Variants in USP35 observed in about 807,000 individuals in gnomAD.
USP35 encodes ubiquitin carboxyl-terminal hydrolase 35.
In USP35, 69 loss-of-function variants were observed where a neutral mutation model predicts 83.8. That is an observed-to-expected ratio of 0.82 (90% CI 0.68 to 1.01). The LOEUF (loss-of-function observed/expected upper bound fraction) is 1.01, where lower values mean the gene tolerates loss of function less well. USP35 is among the 50% of genes least tolerant of loss of function. The pLI, the probability that USP35 is intolerant of heterozygous loss-of-function variation, is 0.00. For missense variants in USP35, 1,503 were observed against 1,362.5 expected, an observed-to-expected ratio of 1.10 and a Z score of -1.62; for synonymous variants, 714 against 589.5, an observed-to-expected ratio of 1.21 and a Z score of -3.06.
At chr11:78,215,291 G>A (rs1314889081), downstream of USP35, 1 of 152,578 alleles carries the variant, frequency 6.6e-6, no homozygotes, top group Non-Finnish European at 1.5e-5. Context: ...CACGGCAGCT[G>A]GTTCTGGGGT....
At chr11:78,226,422 T>C in the USP35 span, 1 of 1,478,332 alleles carries the variant, frequency 6.8e-7, no homozygotes, top group Non-Finnish European at 9.5e-7. Flanking sequence ...ACCCCTGTGT[T>C]ACCTCCTCCT....
At chr11:78,192,222 G>A (rs987921047) in intron 1 of USP35, among the ~76,000 whole-genome samples, 2 of 152,134 alleles carry the variant, frequency 1.3e-5, no homozygotes, top group Non-Finnish European at 2.9e-5. Context: ...GGCTCTCCTC[G>A]GGGAGGACAT....
the USP35 span, chr11:78,225,213 AAGG>A: frequency 1.9e-6 from 3 of 1,576,010 alleles, no homozygotes; most frequent in African/African-American, 4.0e-5. Flanking sequence ...CTGACAGAGG[AAGG>A]AGGATTCATA....
Position 78,196,097 on chromosome 11 carries a change from T to A in USP35, c.-10-139T>A. 7.5e-7 allele frequency: 1 copy of A among 1,338,848 alleles called. No homozygotes were observed. Among genetic ancestry groups the A allele is most frequent in the South Asian group, 1.6e-5 (1 of 63,384 alleles). 82.9% of individuals were successfully genotyped at this position (1,338,848 alleles called of 1,614,324 possible). On this transcript the variant is annotated intron_variant, in intron 1 of 10. Coordinates refer to ENST00000529308, the MANE Select transcript of USP35 (RefSeq NM_020798.4). This position sits in a 1 kb window ranked among gnomAD's most constrained non-coding sequence, Gnocchi z 4.8. ...ATAGCTCTCAGTGAAATGACGCCCT[T>A]GCCCCATTTCACAGATGAGAAAACT...
the USP35 span, chr11:78,226,863 C>T: frequency 9.9e-6 from 16 of 1,613,886 alleles, no homozygotes; most frequent in Non-Finnish European, 1.2e-5. Context: ...GGCCAGGCTG[C>T]GGGGGAGGTC....
intron 6 of USP35, among the ~76,000 whole-genome samples, chr11:78,203,951 C>T (rs1481031195): frequency 2.3e-5 from 3 of 131,322 alleles, no homozygotes; most frequent in East Asian, 2.4e-4. Flanking sequence ...AGTGCAGTGG[C>T]GGGATCTCGG....
At position 78,213,775 on chromosome 11, in the gene USP35, G is replaced by C; in HGVS notation, c.3019G>C (p.Gly1007Arg). Reference sequence around the variant, plus strand: ...CTCTCCAGGGGGCTGCAATCCTGCAGGTGGCAATGGTGGTGACTTCCACAG... The same window carrying C: ...CTCTCCAGGGGGCTGCAATCCTGCACGTGGCAATGGTGGTGACTTCCACAG... ...EGSPGGCNPA[G>R]GNGGDFHRLV... The change falls in exon 11 of 11, where the codon GGT (glycine) becomes CGT (arginine). Residue 1007 changes from glycine to arginine, a missense_variant. Coordinates refer to ENST00000529308, the MANE Select transcript of USP35 (RefSeq NM_020798.4). 6.5e-7 allele frequency: 1 copy of C among 1,549,278 alleles called. No homozygotes were observed. The highest frequency in any genetic ancestry group is 1.2e-5 in the South Asian group (1 of 80,298).
In USP35 at chr11:78,213,629, C is replaced by G; in HGVS notation, c.2890-17C>G. On this transcript the variant is annotated splice_polypyrimidine_tract_variant and intron_variant, in intron 10 of 10. Coordinates refer to ENST00000529308, the MANE Select transcript of USP35 (RefSeq NM_020798.4). ...TGTGAATTCTAAGTCTAAGTCTCCT[C>G]TCATCTGTGTTCCCAGGAGCAGGAG... 6.8e-7 allele frequency: 1 copy of G among 1,469,050 alleles called. No homozygotes were observed. The highest frequency in any genetic ancestry group is 9.0e-7 in the Non-Finnish European group (1 of 1,115,212). 91.0% of individuals were successfully genotyped at this position (1,469,050 alleles called of 1,614,324 possible).
At chr11:78,212,935 C>T (rs186139625) in intron 10 of USP35, among the ~76,000 whole-genome samples, 8 of 152,188 alleles carry the variant, frequency 5.3e-5, no homozygotes, top group East Asian at 1.9e-4. Context: ...GGTCCCACTA[C>T]CCACGTGAGC....
At chr11:78,235,398 C>G in the USP35 span, among the ~76,000 whole-genome samples, 1 of 152,104 alleles carries the variant, frequency 6.6e-6, no homozygotes, top group Non-Finnish European at 1.5e-5. Flanking sequence ...GAGATCCGCC[C>G]ACCTCAGCCT....
chr11:78,199,554 G>A, intron 3 of USP35, 41 bp from the exon 4 acceptor site: 2 of 1,613,224 alleles, frequency 1.2e-6, no homozygotes, highest in South Asian at 2.2e-5. Context: ...CAGCATTTTG[G>A]GTGTCCCTTG....
chr11:78,211,181 C>T (rs1863759639), intron 10 of USP35, among the ~76,000 whole-genome samples: 1 of 151,714 alleles, frequency 6.6e-6, no homozygotes. Flanking sequence ...TCAGCTCCCA[C>T]TTATGAGTAA....
chr11:78,204,968 A>G (rs756787361), intron 6 of USP35, among the ~76,000 whole-genome samples: 2 of 152,216 alleles, frequency 1.3e-5, no homozygotes, highest in Non-Finnish European at 1.5e-5. Flanking sequence ...GCCCTGGACA[A>G]ATCTAAGGCA....
chr11:78,189,002 G>T lies in USP35; in HGVS notation c.-166G>T. 1 of 965,778 alleles carries T rather than the reference G, an allele frequency of 1.0e-6. No individual in the cohort carries two copies. Among genetic ancestry groups the T allele is most frequent in the Non-Finnish European group, 1.2e-6 (1 of 811,940 alleles). 59.8% of individuals were successfully genotyped at this position (965,778 alleles called of 1,614,324 possible). A position where few individuals can be genotyped will look rare whatever the true frequency, so the allele number is the denominator to read the frequency against. On this transcript the variant is annotated 5_prime_UTR_variant, in exon 1 of 11. Coordinates refer to ENST00000529308, the MANE Select transcript of USP35 (RefSeq NM_020798.4). The stretch of plus-strand genomic sequence containing the variant: ...CGGGGTGGGAAGACTGGATTTTGCA[G>T]TGGAAGCAGCATCTCTTCCGTCTGG...
rs1306493508 is a variant in USP35 at position 78,196,675 on chromosome 11, G to T, written c.430G>T (p.Val144Leu). The T allele has an allele frequency of 6.8e-7, 1 of 1,472,964 alleles. No individual in the cohort carries two copies. Among genetic ancestry groups the T allele is most frequent in the East Asian group, 2.8e-5 (1 of 36,352 alleles). 91.2% of individuals were successfully genotyped at this position (1,472,964 alleles called of 1,614,324 possible). A position where few individuals can be genotyped will look rare whatever the true frequency, so the allele number is the denominator to read the frequency against. ...CCCGGGCCCCGCGGCCTGCGCGCAGGTGGCACGGCTGCTGGCTCGCCACCC... is the reference window on the plus strand; with the variant it reads ...CCCGGGCCCCGCGGCCTGCGCGCAGTTGGCACGGCTGCTGGCTCGCCACCC... ...ERPGPAACAQ[V>L]ARLLARHPRC... The change falls in exon 2 of 11, where the codon GTG becomes TTG. Residue 144 changes from valine to leucine, a missense_variant. Transcript: ENST00000529308. The surrounding 1 kb of genome is among the most constrained non-coding windows in gnomAD (Gnocchi z 4.8).
chr11:78,213,763 T>TGCAATCCTGCA lies in USP35; in HGVS notation c.3009_3019dup (p.Gly1007AlafsTer24). 6.5e-7 allele frequency: 1 copy of TGCAATCCTGCA among 1,547,268 alleles called. No homozygotes were observed. Among genetic ancestry groups the TGCAATCCTGCA allele is most frequent in the Non-Finnish European group, 8.7e-7 (1 of 1,155,404 alleles). ...TGAGGATGAAGGCTCTCCAGGGGGC[T>TGCAATCCTGCA]GCAATCCTGCAGGTGGCAATGGTGG... On this transcript the variant is annotated frameshift_variant, in exon 11 of 11. Coordinates refer to ENST00000529308, the MANE Select transcript of USP35 (RefSeq NM_020798.4). LOFTEE classifies it high-confidence loss of function.
At chr11:78,191,166 TAC>T (rs3050609) in intron 1 of USP35, among the ~76,000 whole-genome samples, 6 of 151,528 alleles carry the variant, frequency 4.0e-5, no homozygotes, top group African/African-American at 7.3e-5. Flanking sequence ...TACACACACA[TAC>T]ACACACACAC....
At chr11:78,233,694 C>T in the USP35 span, among the ~76,000 whole-genome samples, 1 of 152,180 alleles carries the variant, frequency 6.6e-6, no homozygotes, top group Non-Finnish European at 1.5e-5. Flanking sequence ...GCAACCTCCA[C>T]CTCCTGGGTT....
In USP35 at chr11:78,208,979, C is replaced by T. The variant is rs1382956163; in HGVS notation, c.1592+16C>T. On this transcript the variant is annotated intron_variant, in intron 9 of 10. Transcript: ENST00000529308. ...TGCTGGATCGGTAAGGGGGCCAGGG[C>T]TACGCGAAGACTCCAGGTCTAGAGG... 1.2e-6 allele frequency: 2 copies of T among 1,612,500 alleles called. No homozygotes were observed. Among genetic ancestry groups the T allele is most frequent in the East Asian group, 2.2e-5 (1 of 44,850 alleles).
Sources: gnomAD v4.1 joint callset for allele counts (sites outside exome capture counted in the v4.1 genomes callset) on GRCh38, gnomAD v4.1.1 for gene constraint, Gnocchi (gnomAD v3.1) non-coding constraint, MANE v1.5 for transcripts, NCBI Gene and HGNC (gene_info 2026-07-23, HGNC 2026-07-21) for gene names.